Variants in MAP2 observed in about 807,000 individuals in gnomAD.
MAP2 encodes the protein microtubule-associated protein 2.
MAP2 carries 14 observed loss-of-function variants against 137.6 expected under a neutral mutation model. That is an observed-to-expected ratio of 0.10 (90% CI 0.07 to 0.16). The LOEUF (loss-of-function observed/expected upper bound fraction) is 0.16. Ranked by LOEUF, MAP2 falls within the 10% of genes least tolerant of loss-of-function variation. The pLI is 1.00. For missense variants in MAP2, 2,088 were observed against 2,191.5 expected, an observed-to-expected ratio of 0.95 and a Z score of 0.94; for synonymous variants, 786 against 782.3, an observed-to-expected ratio of 1.00 and a Z score of -0.08.
chr2:209,655,807 T>C (rs2095104718), intron 5 of MAP2, among the ~76,000 whole-genome samples: 1 of 152,236 alleles, frequency 6.6e-6, no homozygotes. Context: ...CTCAGGACAC[T>C]GTTAGCGTGA....
chr2:209,694,988 T>G lies in MAP2; in HGVS notation c.2818T>G (p.Ser940Ala), dbSNP rs141654180. 8.2e-5 allele frequency: 132 copies of G among 1,614,004 alleles called. No individual in the cohort carries two copies. Among genetic ancestry groups the G allele is most frequent in the Non-Finnish European group, 1.1e-4 (128 of 1,180,038 alleles). The change falls in exon 8 of 16, where the codon TCT (serine) becomes GCT (alanine). Residue 940 changes from serine (S) to alanine (A), a missense_variant. Ser to Ala is a moderately conservative substitution (Grantham distance 99). Around this residue, in one of 6 missense-constraint regions of MAP2, gnomAD observed 500 missense variants for 482.9 expected, o/e 1.04. Coordinates refer to ENST00000682079, the MANE Select transcript of MAP2 (RefSeq NM_001375505.1). ...SVDKEASAHI[S>A]GDKSGLSKEF... is the part of the protein sequence containing the mutation. The stretch of plus-strand genomic sequence containing the variant: ...TGACAAAGAAGCATCCGCGCATATC[T>G]CTGGTGACAAATCAGGACTGAGTAA...
At chr2:209,641,130 C>G (rs1413246258) in intron 4 of MAP2, among the ~76,000 whole-genome samples, 2 of 152,148 alleles carry the variant, frequency 1.3e-5, no homozygotes, top group African/African-American at 4.8e-5. Flanking sequence ...TCAGGTATCT[C>G]AAACCCAAGG....
At chr2:209,724,736 C>T (rs1380786293) in intron 13 of MAP2, among the ~76,000 whole-genome samples, 2 of 152,142 alleles carry the variant, frequency 1.3e-5, no homozygotes, top group African/African-American at 2.4e-5. Flanking sequence ...TAGGCTAAGC[C>T]TCAGGGTTAA....
chr2:209,475,863 T>C (rs1166519285), intron 1 of MAP2, among the ~76,000 whole-genome samples: 1 of 152,192 alleles, frequency 6.6e-6, no homozygotes, highest in Non-Finnish European at 1.5e-5. Context: ...CAGAACCTTC[T>C]ATGAAGAGTC....
At chr2:209,478,750 T>TA (rs1247411637) in intron 1 of MAP2, among the ~76,000 whole-genome samples, 1 of 152,252 alleles carries the variant, frequency 6.6e-6, no homozygotes, top group Non-Finnish European at 1.5e-5. Context: ...ATTTTGTTGA[T>TA]ATGTCTCCCA....
In MAP2 at chr2:209,700,097, C is replaced by A. The variant is rs1314934688; in HGVS notation, c.4523-180C>A. Reference sequence around the variant, plus strand: ...AATTAGCACACACTATTTGTTGGAGCCACATGCTATGTTATTGTTATTCAT... The same window carrying A: ...AATTAGCACACACTATTTGTTGGAGACACATGCTATGTTATTGTTATTCAT... On this transcript the variant is annotated intron_variant, in intron 10 of 15. Transcript: ENST00000682079. 2.6e-5 allele frequency among the ~76,000 whole-genome samples: 4 copies of A among 152,176 alleles called. No individual in the cohort carries two copies. In the South Asian group the frequency reaches 8.3e-4, roughly 31 times the overall value.
chr2:209,680,628 C>G, intron 6 of MAP2, 122 bp from the exon 7 acceptor site: 1 of 818,278 alleles, frequency 1.2e-6, no homozygotes, highest in Admixed American at 1.9e-5. Flanking sequence ...ATGCGGCTTA[C>G]TATTGAATCT....
intron 3 of MAP2, among the ~76,000 whole-genome samples, chr2:209,594,361 A>G (rs919826177): frequency 6.6e-6 from 1 of 152,112 alleles, no homozygotes; most frequent in Non-Finnish European, 1.5e-5. Context: ...AGCAAGGGAG[A>G]AGAAGAAGGG....
At chr2:209,432,415 C>T (rs1169488669) in intron 1 of MAP2, among the ~76,000 whole-genome samples, 1 of 152,140 alleles carries the variant, frequency 6.6e-6, no homozygotes, top group African/African-American at 2.4e-5. Flanking sequence ...TTCAGCAGAG[C>T]TTCATCTGCA....
chr2:209,573,479 A>G (rs1364363595), intron 2 of MAP2, among the ~76,000 whole-genome samples: 1 of 151,502 alleles, frequency 6.6e-6, no homozygotes, highest in Non-Finnish European at 1.5e-5. Context: ...TTTTTAGTAG[A>G]GACAGGGTTT....
chr2:209,528,860 A>G (rs111614835), intron 2 of MAP2, among the ~76,000 whole-genome samples: 17 of 150,076 alleles, frequency 1.1e-4, no homozygotes, highest in East Asian at 3.9e-4. Context: ...GTGTGTGTAT[A>G]TGTGTGTGTA....
intron 1 of MAP2, among the ~76,000 whole-genome samples, chr2:209,483,298 G>C (rs1223007548): frequency 6.6e-6 from 1 of 152,134 alleles, no homozygotes; most frequent in Non-Finnish European, 1.5e-5. Context: ...GTTATAAAGT[G>C]TACCTTGTTT....
chr2:209,430,901 A>C (rs887757793), intron 1 of MAP2, among the ~76,000 whole-genome samples: 52 of 152,228 alleles, frequency 3.4e-4, no homozygotes, highest in Admixed American at 1.2e-3. Context: ...TCTAGGACTT[A>C]TTTAAAAGAT....
Position 209,694,779 on chromosome 2 carries a change from G to C in MAP2, c.2609G>C (p.Cys870Ser). The change falls in exon 8 of 16, where the codon TGT becomes TCT. Residue 870 changes from cysteine to serine, a missense_variant. Physicochemically the swap from Cys to Ser is moderately radical, Grantham distance 112. Transcript: ENST00000682079. The part of the protein sequence containing the change: ...TDSQLEDLGY[C>S]VFNKYTVPLP... ...AGTCAGCTCGAAGACCTGGGCTACT[G>C]TGTGTTCAATAAGTACACAGTCCCA... The C allele has an allele frequency of 6.2e-7, 1 of 1,614,168 alleles. No homozygotes were observed.
intron 2 of MAP2, among the ~76,000 whole-genome samples, chr2:209,551,971 T>A (rs1179139032): frequency 6.6e-6 from 1 of 152,204 alleles, no homozygotes; most frequent in Non-Finnish European, 1.5e-5. Flanking sequence ...CCCCACTCAA[T>A]ATACCATACT....
At chr2:209,612,064 C>A (rs1014443299) in intron 3 of MAP2, among the ~76,000 whole-genome samples, 1 of 152,154 alleles carries the variant, frequency 6.6e-6, no homozygotes, top group African/African-American at 2.4e-5. Context: ...AAGCATTTTA[C>A]CCAAGAGAGA....
At chr2:209,489,957 C>G (rs1391653503) in intron 1 of MAP2, among the ~76,000 whole-genome samples, 1 of 151,952 alleles carries the variant, frequency 6.6e-6, no homozygotes, top group African/African-American at 2.4e-5. Context: ...CAGAGATACT[C>G]CTTAAGAAGA....
chr2:209,514,907 G>A (rs1412312687), intron 2 of MAP2, among the ~76,000 whole-genome samples: 5 of 152,040 alleles, frequency 3.3e-5, no homozygotes. Context: ...AAATAATTTT[G>A]CCAATGCACA....
intron 1 of MAP2, among the ~76,000 whole-genome samples, chr2:209,477,798 A>G (rs1249353120): frequency 6.6e-6 from 1 of 151,570 alleles, no homozygotes; most frequent in Non-Finnish European, 1.5e-5. Context: ...GAAGTTCAAG[A>G]CCAGCCTGGG....
Sources: allele counts gnomAD v4.1 joint callset (sites outside exome capture counted in the v4.1 genomes callset), GRCh38; gene constraint gnomAD v4.1.1; regional missense constraint gnomAD v4.1.1; transcripts MANE v1.5; gene names NCBI Gene and HGNC (gene_info 2026-07-23, HGNC 2026-07-21).